The following PITPNM2 variants were observed in gnomAD, a reference collection of about 807,000 sequenced individuals.
PITPNM2 encodes membrane-associated phosphatidylinositol transfer protein 2.
A neutral mutation model predicts 132.2 loss-of-function variants in PITPNM2; 35 were observed. The observed-to-expected ratio is 0.26, with a 90% CI of 0.20 to 0.35. The LOEUF (loss-of-function observed/expected upper bound fraction) is 0.35, where lower values mean the gene tolerates loss of function less well. Ranked by LOEUF, PITPNM2 falls within the 10% of genes least tolerant of loss-of-function variation. The pLI, the probability that PITPNM2 is intolerant of heterozygous loss-of-function variation, is 1.00. For missense variants in PITPNM2, 1,332 were observed against 1,912.0 expected (o/e 0.70, Z 5.66); for synonymous variants, 738 against 799.2 (o/e 0.92, Z 1.29).
intron 1 of PITPNM2, among the ~76,000 whole-genome samples, chr12:123,139,924 G>A (rs1445812090): frequency 6.6e-6 from 1 of 152,094 alleles, no homozygotes; most frequent in Admixed American, 6.5e-5. Flanking sequence ...CTTTCATCCA[G>A]AGATTTAATT....
Position 123,077,535 on chromosome 12 carries a change from G to A in PITPNM2, c.-96+32850C>T, listed in dbSNP as rs941644151. Among the ~76,000 whole-genome samples the A allele has an allele frequency of 1.3e-5, 2 of 152,124 alleles. No homozygotes were observed. The highest frequency in any genetic ancestry group is 4.8e-5 in the African/African-American group (2 of 41,410). ...TCACAGTGGAAAATGGAAGTACAAT[G>A]GAGTGCTGTACCTACCCAAGCACCA... On this transcript the variant is annotated intron_variant, in intron 2 of 25. Transcript: ENST00000320201. The surrounding 1 kb of genome is among the most constrained non-coding windows in gnomAD (Gnocchi z 4.8).
intron 2 of PITPNM2, among the ~76,000 whole-genome samples, chr12:123,096,106 T>C (rs1417999874): frequency 1.3e-5 from 2 of 152,242 alleles, no homozygotes; most frequent in African/African-American, 4.8e-5. Flanking sequence ...GCCCCGTGGC[T>C]TGTCCCCTGA....
chr12:123,142,957 G>A (rs879750735), intron 1 of PITPNM2, among the ~76,000 whole-genome samples: 1 of 151,898 alleles, frequency 6.6e-6, no homozygotes, highest in African/African-American at 2.4e-5. Flanking sequence ...GCCCTTCAGT[G>A]TGAGAGGAAG....
At position 123,095,573 on chromosome 12, in the gene PITPNM2, C is replaced by T. The variant is rs1452151500; in HGVS notation, c.-96+14812G>A. 2.0e-4 allele frequency among the ~76,000 whole-genome samples: 30 copies of T among 152,166 alleles called. No individual in the cohort carries two copies. The highest frequency in any genetic ancestry group is 5.9e-5 in the Non-Finnish European group (4 of 68,024). ...ACGAAGTGTCTTCCAATACACACAT[C>T]GGAGTGTGTCACTTCTCTGAGTAAA... On this transcript the variant is annotated intron_variant, in intron 2 of 25. Transcript: ENST00000320201. The surrounding 1 kb of genome is among the most constrained non-coding windows in gnomAD (Gnocchi z 5.0).
Position 122,992,907 on chromosome 12 carries a change from C to T in PITPNM2, c.2234-238G>A, listed in dbSNP as rs1236888433. The stretch of plus-strand genomic sequence containing the variant: ...GTGGTGCGATCTTGGTTCACTGTAG[C>T]CTCCGTCTCCTGGGCTCAAGTGATC... On this transcript the variant is annotated intron_variant, in intron 15 of 25. Transcript: ENST00000320201. The surrounding 1 kb of genome is among the most constrained non-coding windows in gnomAD (Gnocchi z 6.5). 1.3e-5 allele frequency among the ~76,000 whole-genome samples: 2 copies of T among 152,118 alleles called. No homozygotes were observed. The highest frequency in any genetic ancestry group is 1.3e-4 in the Admixed American group (2 of 15,276).
At chr12:123,034,977 C>A (rs1004682258) in intron 2 of PITPNM2, among the ~76,000 whole-genome samples, 1 of 152,238 alleles carries the variant, frequency 6.6e-6, no homozygotes, top group African/African-American at 2.4e-5. Flanking sequence ...AGGGTAAGAA[C>A]ACCGTGCTCT....
At chr12:123,122,912 C>T (rs549487230) in intron 1 of PITPNM2, among the ~76,000 whole-genome samples, 1 of 152,324 alleles carries the variant, frequency 6.6e-6, no homozygotes, top group African/African-American at 2.4e-5. Flanking sequence ...CACTGCCTCG[C>T]ACTCACACAT....
chr12:123,114,894 G>A (rs190342865), intron 1 of PITPNM2, among the ~76,000 whole-genome samples: 56 of 152,272 alleles, frequency 3.7e-4, no homozygotes, highest in East Asian at 5.8e-4. Context: ...TTCCTCCTCC[G>A]GAAAATGAAG....
chr12:123,057,751 C>T (rs1327899163), intron 2 of PITPNM2, among the ~76,000 whole-genome samples: 1 of 152,226 alleles, frequency 6.6e-6, no homozygotes. Context: ...CCGCGACGCC[C>T]ACCCCTAGTT....
chr12:123,117,362 C>G lies in PITPNM2; in HGVS notation c.-199-6874G>C, dbSNP rs2042952870. On this transcript the variant is annotated intron_variant, in intron 1 of 25. Coordinates refer to ENST00000320201, the MANE Select transcript of PITPNM2 (RefSeq NM_020845.3). The surrounding 1 kb of genome is among the most constrained non-coding windows in gnomAD (Gnocchi z 4.7). ...TTAATTACACGACTCTCTATCTGTG[C>G]AGAGCAGGGGTTTGCACACTGTGGA... 6.7e-6 allele frequency among the ~76,000 whole-genome samples: 1 copy of G among 150,030 alleles called. No individual in the cohort carries two copies. The highest frequency in any genetic ancestry group is 6.6e-5 in the Admixed American group (1 of 15,206).
At chr12:123,116,351 A>C (rs183560996) in intron 1 of PITPNM2, among the ~76,000 whole-genome samples, 1 of 152,310 alleles carries the variant, frequency 6.6e-6, no homozygotes, top group East Asian at 1.9e-4. Context: ...GTTAGCCTTA[A>C]AAAAGACAGA....
At chr12:123,141,886 G>T (rs1011248704) in intron 1 of PITPNM2, among the ~76,000 whole-genome samples, 10 of 152,160 alleles carry the variant, frequency 6.6e-5, no homozygotes, top group Admixed American at 5.9e-4. Context: ...TCAAACCCTT[G>T]GACTCGGTTT....
Position 123,008,979 on chromosome 12 carries a change from G to C in PITPNM2, c.643+871C>G, listed in dbSNP as rs2039055624. ...TGTTAATTCAGGACAAGGGTGGCTGGGATGGGAGGCAGATCTAGTTCAGCC... is the reference window on the plus strand; with the variant it reads ...TGTTAATTCAGGACAAGGGTGGCTGCGATGGGAGGCAGATCTAGTTCAGCC... On this transcript the variant is annotated intron_variant, in intron 6 of 25. Transcript: ENST00000320201. This position sits in a 1 kb window ranked among gnomAD's most constrained non-coding sequence, Gnocchi z 4.1. Among the ~76,000 whole-genome samples, 1 of 152,204 alleles carries C rather than the reference G, an allele frequency of 6.6e-6. No homozygotes were observed. The highest frequency in any genetic ancestry group is 2.4e-5 in the African/African-American group (1 of 41,444).
chr12:123,028,155 C>T (rs1046905018), intron 3 of PITPNM2, among the ~76,000 whole-genome samples: 14 of 152,326 alleles, frequency 9.2e-5, no homozygotes, highest in African/African-American at 3.4e-4. Flanking sequence ...CTGGCCAGGC[C>T]ACCTCCGGCC....
At chr12:123,048,412 T>TG (rs1481260408) in intron 2 of PITPNM2, among the ~76,000 whole-genome samples, 2 of 144,308 alleles carry the variant, frequency 1.4e-5, no homozygotes, top group African/African-American at 5.1e-5. Flanking sequence ...TTTTTTTTTG[T>TG]TTTTTTTTTT....
rs192273702 is a variant in PITPNM2, at chr12:123,150,125, G to T, written c.-200+628C>A. 3.8e-3 allele frequency: 574 copies of T among 153,002 alleles called. 1 individual carries two copies. Among genetic ancestry groups the T allele is most frequent in the Non-Finnish European group, 6.9e-3 (472 of 68,656 alleles). The allele number at this position is 153,002 out of a possible 1,614,324, so 9.5% of individuals were successfully genotyped here. A position where few individuals can be genotyped will look rare whatever the true frequency, so the allele number is the denominator to read the frequency against. The stretch of plus-strand genomic sequence containing the variant: ...GGGGAGGCAGTGCACACTGGGGCGG[G>T]GGACACTGAACTTTCCCTCTCCCCA... On this transcript the variant is annotated intron_variant, in intron 1 of 25. Coordinates refer to ENST00000320201, the MANE Select transcript of PITPNM2 (RefSeq NM_020845.3). This position sits in a 1 kb window ranked among gnomAD's most constrained non-coding sequence, Gnocchi z 6.0.
chr12:123,071,193 A>T (rs2041612237), intron 2 of PITPNM2, among the ~76,000 whole-genome samples: 1 of 152,130 alleles, frequency 6.6e-6, no homozygotes, highest in Non-Finnish European at 1.5e-5. Context: ...GCAGAGGGGG[A>T]CAGGCATGCC....
rs374814911 is a variant in PITPNM2, at chr12:123,048,435, T to G, written c.-95-13750A>C. On this transcript the variant is annotated intron_variant, in intron 2 of 25. Coordinates refer to ENST00000320201, the MANE Select transcript of PITPNM2 (RefSeq NM_020845.3). ...TGTTTTTTTTTTTTGAGACGGAGTC[T>G]CGCTCTGTCGCCCAGGCCGGACTGC... Among the ~76,000 whole-genome samples the G allele has an allele frequency of 2.2e-4, 34 of 151,112 alleles. No homozygotes were observed. In the East Asian group the frequency reaches 3.9e-3, roughly 18 times the overall value.
Position 123,150,242 on chromosome 12 carries a change from T to C in PITPNM2, c.-200+511A>G, listed in dbSNP as rs991085540. Among the ~76,000 whole-genome samples the C allele has an allele frequency of 2.0e-5, 3 of 151,814 alleles. No individual in the cohort carries two copies. In the East Asian group the frequency reaches 5.8e-4, roughly 30 times the overall value. On this transcript the variant is annotated intron_variant, in intron 1 of 25. Coordinates refer to ENST00000320201, the MANE Select transcript of PITPNM2 (RefSeq NM_020845.3). The surrounding 1 kb of genome is among the most constrained non-coding windows in gnomAD (Gnocchi z 6.0). ...CCCCATTACCACACGAAGGGGGCAC[T>C]GAGGATGGAGACGGGCCACACCCCA...
Sources: gnomAD v4.1 joint callset for allele counts (sites outside exome capture counted in the v4.1 genomes callset) on GRCh38, gnomAD v4.1.1 for gene constraint, Gnocchi (gnomAD v3.1) non-coding constraint, MANE v1.5 for transcripts, NCBI Gene and HGNC (gene_info 2026-07-23, HGNC 2026-07-21) for gene names.